The following SREK1 variants were observed in gnomAD, a reference collection of about 807,000 sequenced individuals.
The protein encoded by SREK1 is splicing regulatory glutamine/lysine-rich protein 1.
SREK1 carries 13 observed loss-of-function variants against 66.5 expected under a neutral mutation model. The observed-to-expected ratio is 0.20, with a 90% CI of 0.13 to 0.31. The LOEUF (loss-of-function observed/expected upper bound fraction) is 0.31, where lower values mean the gene tolerates loss of function less well. Among genes scored for constraint, SREK1 ranks in the 10% least tolerant of loss-of-function variants. The pLI is 1.00. For missense variants in SREK1, 607 were observed against 769.6 expected (o/e 0.79, Z 2.50); for synonymous variants, 265 against 263.5 (o/e 1.01, Z -0.05).
At chr5:66,162,012 T>C in intron 3 of SREK1, 97 bp from the exon 4 acceptor site, 1 of 1,419,600 alleles carries the variant, frequency 7.0e-7, no homozygotes, top group East Asian at 2.4e-5. Context: ...CTTTCATTCT[T>C]GTTGAGTTAG....
At chr5:66,159,150 T>G in intron 2 of SREK1, 69 bp from the exon 3 acceptor site, 1 of 1,542,104 alleles carries the variant, frequency 6.5e-7, no homozygotes, top group Non-Finnish European at 8.7e-7. Flanking sequence ...CAAGGGTAAT[T>G]GTAAAATCAT....
chr5:66,175,826 CTT>C (rs1746012637), intron 10 of SREK1, among the ~76,000 whole-genome samples: 1 of 152,042 alleles, frequency 6.6e-6, no homozygotes, highest in Non-Finnish European at 1.5e-5. Flanking sequence ...TCCAAGAACT[CTT>C]TTATATTAGG....
chr5:66,181,812 G>A lies in SREK1; in HGVS notation c.*2944G>A, dbSNP rs992193689. ...CTTCACGAGGTTCAGTACCTGCTAT[G>A]TTGATCTTTGGCAGTGCCAGAGGCT... On this transcript the variant is annotated 3_prime_UTR_variant, in exon 12 of 12. Transcript: ENST00000334121. 1 of 146,480 alleles carries A rather than the reference G, an allele frequency of 6.8e-6. No homozygotes were observed. Among genetic ancestry groups the A allele is most frequent in the Admixed American group, 7.2e-5 (1 of 13,976 alleles). 9.1% of individuals were successfully genotyped at this position (146,480 alleles called of 1,614,324 possible).
At chr5:66,175,089 AT>A in intron 10 of SREK1, 48 bp downstream of exon 10, 1 of 1,418,066 alleles carries the variant, frequency 7.1e-7, no homozygotes, top group Non-Finnish European at 9.5e-7. Context: ...AGCAATAAAT[AT>A]TTTTTGAAAT....
rs773193486 is a variant in SREK1, at chr5:66,170,973, A to G, written c.1484+26A>G. 5 of 1,573,788 alleles carry G rather than the reference A, an allele frequency of 3.2e-6. No homozygotes were observed. In the Admixed American group the frequency reaches 6.0e-5, roughly 19 times the overall value. On this transcript the variant is annotated intron_variant, in intron 9 of 11. Transcript: ENST00000334121. The stretch of plus-strand genomic sequence containing the variant: ...GTTTGATAATGCTTAAAATTTTTAC[A>G]AAGGGATTTGCTGATGACAATTGGA...
At chr5:66,173,419 A>G (rs1461349734) in intron 9 of SREK1, among the ~76,000 whole-genome samples, 2 of 152,184 alleles carry the variant, frequency 1.3e-5, no homozygotes, top group Non-Finnish European at 2.9e-5. Flanking sequence ...ATTTTATCCT[A>G]AATCCTCAAC....
chr5:66,172,115 A>G (rs1745691344), intron 9 of SREK1, among the ~76,000 whole-genome samples: 1 of 152,210 alleles, frequency 6.6e-6, no homozygotes, highest in Non-Finnish European at 1.5e-5. Flanking sequence ...ATTGAACCAC[A>G]GATTGAAGAA....
intron 6 of SREK1, chr5:66,164,351 C>A (rs1011698284): frequency 6.2e-6 from 2 of 320,232 alleles, no homozygotes; most frequent in Non-Finnish European, 1.2e-5. Context: ...GGTAAAAGAA[C>A]ATCTATTTAA....
At chr5:66,173,110 G>A (rs1745780064) in intron 9 of SREK1, among the ~76,000 whole-genome samples, 1 of 152,050 alleles carries the variant, frequency 6.6e-6, no homozygotes, top group Non-Finnish European at 1.5e-5. Flanking sequence ...TGGAATTACA[G>A]ACGTGAGCCG....
At chr5:66,148,764 C>T (rs1373028109) in intron 1 of SREK1, among the ~76,000 whole-genome samples, 1 of 152,074 alleles carries the variant, frequency 6.6e-6, no homozygotes, top group Non-Finnish European at 1.5e-5. Flanking sequence ...GCCTGGCCTG[C>T]TAGTTTCTAT....
At chr5:66,171,938 GT>G (rs1184113976) in intron 9 of SREK1, among the ~76,000 whole-genome samples, 1 of 152,186 alleles carries the variant, frequency 6.6e-6, no homozygotes, top group Admixed American at 6.5e-5. Flanking sequence ...CTGACGCTCT[GT>G]ATGAGAAGTA....
chr5:66,177,180 A>T (rs1044739212), intron 10 of SREK1: 1 of 166,936 alleles, frequency 6.0e-6, no homozygotes. Context: ...GCGGATACAT[A>T]TTCATTTGGT....
chr5:66,164,369 T>C (rs549851557), intron 6 of SREK1: 2 of 339,266 alleles, frequency 5.9e-6, no homozygotes, highest in East Asian at 1.6e-4. Flanking sequence ...TAAACTTTTG[T>C]GTTGCTAATG....
intron 2 of SREK1, chr5:66,158,787 C>T: frequency 7.8e-7 from 1 of 1,281,608 alleles, no homozygotes; most frequent in African/African-American, 1.5e-5. Context: ...TTTTCTGTAT[C>T]TGATGTTCTG....
rs186931604 is a variant in SREK1, at chr5:66,151,921, C to T, written c.162-1542C>T. 4.4e-3 allele frequency among the ~76,000 whole-genome samples: 626 copies of T among 143,664 alleles called. 4 individuals carry two copies. Among genetic ancestry groups the T allele is most frequent in the African/African-American group, 0.015 (575 of 39,588 alleles). The allele number at this position is 143,664 out of a possible 152,430, so 94.2% of individuals were successfully genotyped here. On this transcript the variant is annotated intron_variant, in intron 1 of 11. Coordinates refer to ENST00000334121, the MANE Select transcript of SREK1 (RefSeq NM_001077199.3). ...AGTGCAGTGGCGCAATCTCGGCTCA[C>T]TGCAAGCTCCGCCTCCCGGGTTCAC...
rs575994650 is a variant in SREK1, at chr5:66,183,515, T to G, written c.*4647T>G. ...AACATGCTGCATAGGTGGTGGTTAT[T>G]TGTGAGTAGGACTACTTTTAAATGG... On this transcript the variant is annotated 3_prime_UTR_variant, in exon 12 of 12. Transcript: ENST00000334121. 5.5e-4 allele frequency: 84 copies of G among 152,294 alleles called. No individual in the cohort carries two copies. The highest frequency in any genetic ancestry group is 2.0e-3 in the African/African-American group (84 of 41,566). 9.4% of individuals were successfully genotyped at this position (152,294 alleles called of 1,614,324 possible).
chr5:66,171,033 G>C, intron 9 of SREK1, 86 bp downstream of exon 9: 1 of 1,463,186 alleles, frequency 6.8e-7, no homozygotes, highest in Non-Finnish European at 9.2e-7. Context: ...AAAGGTTACT[G>C]TACGCAAGTG....
intron 10 of SREK1, among the ~76,000 whole-genome samples, chr5:66,175,470 C>G (rs1261729800): frequency 6.6e-6 from 1 of 151,948 alleles, no homozygotes; most frequent in Admixed American, 6.6e-5. Context: ...TATGGCCATA[C>G]CTTAGTTTTT....
At position 66,170,591 on chromosome 5, in the gene SREK1, G is replaced by C; in HGVS notation, c.1128G>C (p.Lys376Asn). Residue 376 changes from lysine to asparagine, a missense_variant, in exon 9 of 12, where the codon AAG (lysine) becomes AAC (asparagine). By Grantham distance (94) the Lys-to-Asn change is moderately conservative. Around this residue, in one of 5 missense-constraint regions of SREK1, gnomAD observed 318 missense variants for 310.3 expected, o/e 1.02. Coordinates refer to ENST00000334121, the MANE Select transcript of SREK1 (RefSeq NM_001077199.3). ...KSRSRSHSRDKRKDTREKIKE... is the reference protein window; with the variant it reads ...KSRSRSHSRDNRKDTREKIKE... ...TTTATTTTTGTTTTTAAAGGGACAAGAGAAAAGACACTCGAGAAAAGATCA... is the reference window on the plus strand; with the variant it reads ...TTTATTTTTGTTTTTAAAGGGACAACAGAAAAGACACTCGAGAAAAGATCA... 5 of 1,593,384 alleles carry C rather than the reference G, an allele frequency of 3.1e-6. No homozygotes were observed. The South Asian group carries it at 4.7e-5, about 15-fold the overall frequency.
Sources: gnomAD v4.1 joint callset for allele counts (sites outside exome capture counted in the v4.1 genomes callset) on GRCh38, gnomAD v4.1.1 for gene constraint, gnomAD v4.1.1 regional missense constraint, MANE v1.5 for transcripts, NCBI Gene and HGNC (gene_info 2026-07-23, HGNC 2026-07-21) for gene names.